MTCL3: variants seen among roughly 807,000 people sequenced by gnomAD.
The protein encoded by MTCL3 is MTCL family member 3.
chr6:127,474,048 T>C, the MTCL3 span, among the ~76,000 whole-genome samples: 1 of 152,168 alleles, frequency 6.6e-6, no homozygotes, highest in South Asian at 2.1e-4. Flanking sequence ...GAATTAGTGT[T>C]GCCTTCAAGC....
the MTCL3 span, chr6:127,513,080 T>C: frequency 3.6e-5 from 56 of 1,558,940 alleles, no homozygotes; most frequent in Admixed American, 7.5e-4. Flanking sequence ...CAATAAAATA[T>C]AATTAATGAC....
At chr6:127,505,894 T>C in the MTCL3 span, among the ~76,000 whole-genome samples, 2 of 152,136 alleles carry the variant, frequency 1.3e-5, no homozygotes, top group Non-Finnish European at 2.9e-5. Flanking sequence ...AAAAAATAAT[T>C]ATAGTATTTA....
At chr6:127,480,382 G>A in the MTCL3 span, among the ~76,000 whole-genome samples, 3 of 152,206 alleles carry the variant, frequency 2.0e-5, no homozygotes, top group African/African-American at 4.8e-5. Flanking sequence ...CTTAATTGCT[G>A]TGCAGTATCA....
the MTCL3 span, among the ~76,000 whole-genome samples, chr6:127,501,002 C>A: frequency 6.6e-6 from 1 of 152,032 alleles, no homozygotes; most frequent in Non-Finnish European, 1.5e-5. Flanking sequence ...TTAGTAGAGA[C>A]GGGGTTTCAC....
the MTCL3 span, chr6:127,518,500 T>A: frequency 1.3e-5 from 2 of 152,344 alleles, no homozygotes; most frequent in African/African-American, 4.8e-5. Flanking sequence ...GACCAACACT[T>A]TTAATCTCAA....
chr6:127,495,298 C>T, the MTCL3 span, among the ~76,000 whole-genome samples: 1 of 152,010 alleles, frequency 6.6e-6, no homozygotes, highest in Non-Finnish European at 1.5e-5. Context: ...TTCTAATTTA[C>T]TCTTGTTAAT....
chr6:127,509,850 T>A, the MTCL3 span, among the ~76,000 whole-genome samples: 1 of 152,258 alleles, frequency 6.6e-6, no homozygotes, highest in Non-Finnish European at 1.5e-5. Flanking sequence ...TTTTAGAGCA[T>A]CATAAAATTA....
At chr6:127,510,926 T>C in the MTCL3 span, among the ~76,000 whole-genome samples, 1 of 152,202 alleles carries the variant, frequency 6.6e-6, no homozygotes, top group African/African-American at 2.4e-5. Flanking sequence ...ACAGAGGTAA[T>C]CAAATTAAAA....
the MTCL3 span, chr6:127,473,203 T>A: frequency 4.4e-6 from 6 of 1,361,434 alleles, no homozygotes; most frequent in Non-Finnish European, 5.7e-6. Flanking sequence ...AAATTATACT[T>A]CTTTTACTTC....
At chr6:127,518,406 G>T in the MTCL3 span, 3 of 152,262 alleles carry the variant, frequency 2.0e-5, no homozygotes, top group East Asian at 1.9e-4. Context: ...GCTGTCACGT[G>T]GTTCCCACAA....
the MTCL3 span, chr6:127,481,589 G>A: frequency 6.8e-5 from 37 of 545,886 alleles, no homozygotes; most frequent in African/African-American, 7.6e-4. Flanking sequence ...TTCAAATTTT[G>A]AATATTTAAA....
the MTCL3 span, among the ~76,000 whole-genome samples, chr6:127,502,916 AC>A: frequency 6.6e-6 from 1 of 152,210 alleles, no homozygotes; most frequent in African/African-American, 2.4e-5. Context: ...GAATTGACAG[AC>A]CTGAAAACAC....
chr6:127,515,537 G>A, the MTCL3 span: 1 of 1,448,768 alleles, frequency 6.9e-7, no homozygotes, highest in Non-Finnish European at 9.0e-7. The surrounding 1 kb of genome is among the most constrained non-coding windows in gnomAD (Gnocchi z 4.3). Context: ...TTTTCCTCTC[G>A]CAGCTTCTCC....
At chr6:127,515,500 C>T in the MTCL3 span, 26 of 1,426,018 alleles carry the variant, frequency 1.8e-5, no homozygotes, top group East Asian at 6.3e-4. The surrounding 1 kb of genome is among the most constrained non-coding windows in gnomAD (Gnocchi z 4.3). Context: ...GCCGGGTCCC[C>T]CCACCCTCCT....
At chr6:127,518,043 G>A in the MTCL3 span, among the ~76,000 whole-genome samples, 1 of 152,292 alleles carries the variant, frequency 6.6e-6, no homozygotes, top group South Asian at 2.1e-4. Context: ...ATTACCGAAG[G>A]GTTCCTAATC....
the MTCL3 span, chr6:127,515,368 A>G: frequency 1.5e-5 from 12 of 817,212 alleles, no homozygotes; most frequent in Admixed American, 3.2e-5. The surrounding 1 kb of genome is among the most constrained non-coding windows in gnomAD (Gnocchi z 4.3). Context: ...GGCAAGGCCT[A>G]GGAAACCCCC....
chr6:127,476,393 TG>T, the MTCL3 span: 1 of 1,613,872 alleles, frequency 6.2e-7, no homozygotes, highest in Non-Finnish European at 8.5e-7. This position sits in a 1 kb window ranked among gnomAD's most constrained non-coding sequence, Gnocchi z 4.4. Context: ...TTATCAATCT[TG>T]GCCATTTTCT....
At chr6:127,518,815 G>A in the MTCL3 span, 1 of 152,250 alleles carries the variant, frequency 6.6e-6, no homozygotes, top group South Asian at 2.1e-4. Context: ...TGCCCCCAGA[G>A]CGGGTGACTT....
At chr6:127,498,757 CTG>C in the MTCL3 span, among the ~76,000 whole-genome samples, 1 of 152,102 alleles carries the variant, frequency 6.6e-6, no homozygotes, top group African/African-American at 2.4e-5. Flanking sequence ...AAATGAATTA[CTG>C]ATACACGCTA....
Sources: gnomAD v4.1 joint callset for allele counts (sites outside exome capture counted in the v4.1 genomes callset) on GRCh38, gnomAD v4.1.1 for gene constraint, Gnocchi (gnomAD v3.1) non-coding constraint, MANE v1.5 for transcripts, NCBI Gene and HGNC (gene_info 2026-07-23, HGNC 2026-07-21) for gene names.